Variants in IL5RA observed in about 807,000 individuals in gnomAD.
The protein encoded by IL5RA is interleukin 5 receptor subunit alpha, also known as interleukin-5 receptor subunit alpha.
Under a neutral mutation model 50.0 loss-of-function variants are expected in IL5RA, and 49 were observed. That is an observed-to-expected ratio of 0.98 (90% CI 0.78 to 1.24). The LOEUF is 1.24. Ranked by LOEUF, IL5RA falls within the 50% of genes most tolerant of loss-of-function variation. The pLI is 0.00. For missense variants in IL5RA, 600 were observed against 500.4 expected, an observed-to-expected ratio of 1.20 and a Z score of -1.90; for synonymous variants, 202 against 174.0, an observed-to-expected ratio of 1.16 and a Z score of -1.26.
In IL5RA at chr3:3,103,923, G is replaced by A. The variant is rs1232720041; in HGVS notation, c.82+980C>T. Among the ~76,000 whole-genome samples the A allele has an allele frequency of 2.6e-5, 4 of 152,180 alleles. No individual in the cohort carries two copies. The East Asian group carries it at 5.8e-4, about 22-fold the overall frequency. On this transcript the variant is annotated intron_variant, in intron 3 of 11. Coordinates refer to ENST00000446632, the MANE Select transcript of IL5RA (RefSeq NM_175726.4). ...TCAGGATTTATCCATTGACCTTAAC[G>A]GACTTCCACACCTCTACATCCATGT... is the stretch of plus-strand genomic sequence containing the variant.
rs192734023 is a variant in IL5RA at position 3,070,291 on chromosome 3, C to T, written c.1197G>A (p.Thr399=). 1,171 of 1,612,500 alleles carry T rather than the reference C, an allele frequency of 7.3e-4. 15 individuals are homozygous for T. Among genetic ancestry groups the T allele is most frequent in the Middle Eastern group, 3.3e-4 (2 of 6,060 alleles). ...TNYEKAGSSE[T]EIEVICYIEK... is the part of the protein sequence containing the mutation. The stretch of plus-strand genomic sequence containing the variant: ...CTATATAACAGATGACTTCAATTTC[C>T]GTCTCACTGGACCCAGCTTTCTGCA... The change falls in exon 12 of 12, where the codon ACG becomes ACA. Residue 399 remains threonine (T), a synonymous_variant. Coordinates refer to ENST00000446632, the MANE Select transcript of IL5RA (RefSeq NM_175726.4).
chr3:3,074,034 C>G (rs879039780), intron 11 of IL5RA, among the ~76,000 whole-genome samples: 2 of 152,214 alleles, frequency 1.3e-5, no homozygotes, highest in Non-Finnish European at 2.9e-5. Flanking sequence ...CAAGGCAATT[C>G]ACTGGGGAAA....
At chr3:3,093,664 G>A (rs909722391) in intron 8 of IL5RA, among the ~76,000 whole-genome samples, 2 of 152,148 alleles carry the variant, frequency 1.3e-5, no homozygotes, top group East Asian at 3.8e-4. Context: ...TACAGATTCC[G>A]TTCAATTCCT....
chr3:3,109,544 T>C (rs758480425), intron 1 of IL5RA, among the ~76,000 whole-genome samples: 3 of 152,192 alleles, frequency 2.0e-5, no homozygotes, highest in Non-Finnish European at 2.9e-5. Flanking sequence ...ATGTCTTATA[T>C]TGATGTAAGC....
intron 11 of IL5RA, 123 bp from the exon 12 acceptor site, chr3:3,070,434 A>T: frequency 1.6e-6 from 1 of 639,024 alleles, no homozygotes; most frequent in Non-Finnish European, 2.7e-6. Context: ...CACAAAGAAG[A>T]TGTGAAAAAT....
At position 3,069,388 on chromosome 3, in the gene IL5RA, T is replaced by C. The variant is rs1702224303; in HGVS notation, c.*837A>G. On this transcript the variant is annotated 3_prime_UTR_variant, in exon 12 of 12. Coordinates refer to ENST00000446632, the MANE Select transcript of IL5RA (RefSeq NM_175726.4). ...GACCAACAAGTTGTTCTGAAGTCTT[T>C]GGCAGCAAACATCTCTTCAGAAAGT... 1 of 152,264 alleles carries C rather than the reference T, an allele frequency of 6.6e-6. No individual in the cohort carries two copies. The highest frequency in any genetic ancestry group is 2.1e-4 in the South Asian group (1 of 4,836). The allele number at this position is 152,264 out of a possible 1,614,324, so 9.4% of individuals were successfully genotyped here.
At chr3:3,101,996 A>G (rs576344904) in intron 4 of IL5RA, among the ~76,000 whole-genome samples, 166 bp from the exon 5 acceptor site, 2 of 152,380 alleles carry the variant, frequency 1.3e-5, no homozygotes, top group East Asian at 1.9e-4. Flanking sequence ...ATAACAACAT[A>G]GTAATTTCTC....
chr3:3,072,393 C>G (rs899776807), intron 11 of IL5RA, among the ~76,000 whole-genome samples: 2 of 152,234 alleles, frequency 1.3e-5, no homozygotes, highest in Non-Finnish European at 2.9e-5. Flanking sequence ...TGCCGTCATT[C>G]ATCCTCTGCT....
intron 9 of IL5RA, among the ~76,000 whole-genome samples, chr3:3,078,102 A>G (rs2125956048): frequency 6.6e-6 from 1 of 152,320 alleles, no homozygotes; most frequent in East Asian, 1.9e-4. Context: ...GCAGTGATTT[A>G]ATGACGAGCG....
chr3:3,104,898 C>T lies in IL5RA; in HGVS notation c.82+5G>A. 6.4e-7 allele frequency: 1 copy of T among 1,571,936 alleles called. No homozygotes were observed. The highest frequency in any genetic ancestry group is 8.8e-7 in the Non-Finnish European group (1 of 1,142,408). The stretch of plus-strand genomic sequence containing the variant: ...ACATTATTGAATTGAATAGAAGGTC[C>T]TTACTCTTTTCATCAGGAAGTAAGT... On this transcript the variant is annotated splice_donor_5th_base_variant and intron_variant, in intron 3 of 11. Coordinates refer to ENST00000446632, the MANE Select transcript of IL5RA (RefSeq NM_175726.4).
chr3:3,084,059 A>AG (rs1309683782), intron 9 of IL5RA, among the ~76,000 whole-genome samples: 3 of 151,692 alleles, frequency 2.0e-5, no homozygotes, highest in Non-Finnish European at 4.4e-5. Flanking sequence ...CTCATAAAAA[A>AG]AAAAAAAAAA....
intron 2 of IL5RA, among the ~76,000 whole-genome samples, chr3:3,107,690 A>T (rs17884890): frequency 0.022 from 3,368 of 152,278 alleles, 118 homozygotes; most frequent in African/African-American, 0.076. Flanking sequence ...CTCATGATCT[A>T]CTTGCTCATA....
At chr3:3,081,042 A>G (rs1339130296) in intron 9 of IL5RA, among the ~76,000 whole-genome samples, 1 of 151,986 alleles carries the variant, frequency 6.6e-6, no homozygotes, top group Non-Finnish European at 1.5e-5. Context: ...AAATATACTT[A>G]TGTCTATTGT....
chr3:3,075,485 G>C (rs1185686296), intron 10 of IL5RA, among the ~76,000 whole-genome samples: 1 of 152,030 alleles, frequency 6.6e-6, no homozygotes, highest in Admixed American at 6.6e-5. Flanking sequence ...TTACAGGCAT[G>C]AGTCACCATC....
intron 8 of IL5RA, among the ~76,000 whole-genome samples, chr3:3,093,077 G>C (rs901217930): frequency 1.5e-4 from 23 of 152,166 alleles, no homozygotes; most frequent in African/African-American, 5.1e-4. Flanking sequence ...TCTCTATTGT[G>C]TAAAACTCTT....
In IL5RA at chr3:3,101,710, C is replaced by T. The variant is rs1259322793; in HGVS notation, c.349G>A (p.Glu117Lys). The stretch of plus-strand genomic sequence containing the variant: ...GCTTTACCTGGTGGGGCATGAAGTT[C>T]AGCAGAAGCCCAGCTGCTGGCCAGT... ...SLLASSWASA[E>K]LHAPPGSPGT... The change falls in exon 5 of 12, where the codon GAA (glutamate) becomes AAA (lysine). Residue 117 changes from glutamate (E) to lysine (K), a missense_variant. Glu to Lys is a moderately conservative substitution (Grantham distance 56). Transcript: ENST00000446632. The T allele has an allele frequency of 9.9e-6, 16 of 1,613,872 alleles. No individual in the cohort carries two copies. The highest frequency in any genetic ancestry group is 1.4e-5 in the Non-Finnish European group (16 of 1,179,964).
rs1244918744 is a variant in IL5RA at position 3,067,438 on chromosome 3, G to T, written c.*2787C>A. ...TAAGTCAGATACTGTCCTAGACACTGCAGATAAAAAGACGTATTTCACACA... is the reference window on the plus strand; with the variant it reads ...TAAGTCAGATACTGTCCTAGACACTTCAGATAAAAAGACGTATTTCACACA... On this transcript the variant is annotated 3_prime_UTR_variant, in exon 12 of 12. Coordinates refer to ENST00000446632, the MANE Select transcript of IL5RA (RefSeq NM_175726.4). The T allele has an allele frequency of 2.0e-5, 3 of 152,228 alleles. No homozygotes were observed. Among genetic ancestry groups the T allele is most frequent in the Non-Finnish European group, 2.9e-5 (2 of 68,076 alleles). 9.4% of individuals were successfully genotyped at this position (152,228 alleles called of 1,614,324 possible).
At position 3,098,136 on chromosome 3, in the gene IL5RA, C is replaced by CCT; in HGVS notation, c.520_521dup (p.Tyr175GlyfsTer66). 1 of 1,614,108 alleles carries CCT rather than the reference C, an allele frequency of 6.2e-7. No individual in the cohort carries two copies. Among genetic ancestry groups the CCT allele is most frequent in the Non-Finnish European group, 8.5e-7 (1 of 1,180,008 alleles). ...TAAGTAAAAATAGGTACAGTACTAA[C>CCT]CTATAGTAGAGAAAATACTGCGTGT... On this transcript the variant is annotated frameshift_variant and splice_region_variant. Transcript: ENST00000446632. LOFTEE classifies it high-confidence loss of function.
chr3:3,105,037 A>G (rs1703843769), intron 2 of IL5RA, 50 bp from the exon 3 acceptor site: 1 of 1,150,058 alleles, frequency 8.7e-7, no homozygotes, highest in Non-Finnish European at 1.3e-6. Context: ...TATTTTTAAG[A>G]AAAACTGATA....
Sources: gnomAD v4.1 joint callset for allele counts (sites outside exome capture counted in the v4.1 genomes callset) on GRCh38, gnomAD v4.1.1 for gene constraint, MANE v1.5 for transcripts, NCBI Gene and HGNC (gene_info 2026-07-23, HGNC 2026-07-21) for gene names.